FAT1: variants seen among roughly 807,000 people sequenced by gnomAD.
FAT1 encodes the protein FAT atypical cadherin 1.
A neutral mutation model predicts 329.8 loss-of-function variants in FAT1; 171 were observed. That is an observed-to-expected ratio of 0.52 (90% CI 0.46 to 0.59). The LOEUF is 0.59. FAT1 is among the 20% of genes least tolerant of loss of function. The pLI, the probability that FAT1 is intolerant of heterozygous loss-of-function variation, is 0.00. For missense variants in FAT1, 5,672 were observed against 5,774.4 expected (o/e 0.98, Z 0.57); for synonymous variants, 2,233 against 2,228.6 (o/e 1.00, Z -0.06).
chr4:186,661,388 G>C (rs1179721819), intron 3 of FAT1, among the ~76,000 whole-genome samples: 1 of 152,224 alleles, frequency 6.6e-6, no homozygotes, highest in Non-Finnish European at 1.5e-5. Context: ...AATCTCAAGA[G>C]ACAGGCCTTT....
chr4:186,724,124 G>A (rs1745618921), upstream of FAT1, among the ~76,000 whole-genome samples: 1 of 147,978 alleles, frequency 6.8e-6, no homozygotes, highest in South Asian at 2.1e-4. This position sits in a 1 kb window ranked among gnomAD's most constrained non-coding sequence, Gnocchi z 5.3. Flanking sequence ...GCCAGCCACA[G>A]GCGCTGTGCA....
rs117951558 is a variant in FAT1, at chr4:186,696,712, T to C, written c.3265+9851A>G. Among the ~76,000 whole-genome samples the C allele has an allele frequency of 0.014, 2,112 of 152,264 alleles. 140 individuals are homozygous for C. The East Asian group carries it at 0.2, about 14-fold the overall frequency. ...TATTTTCCATAGAGGTCAAAGAACA[T>C]ACGGCAAGTCCATTTAAATAAAAAT... On this transcript the variant is annotated intron_variant, in intron 2 of 26. Transcript: ENST00000441802.
intron 13 of FAT1, among the ~76,000 whole-genome samples, chr4:186,612,453 A>G (rs893754054): frequency 1.3e-5 from 2 of 152,164 alleles, no homozygotes; most frequent in African/African-American, 4.8e-5. Flanking sequence ...AAATGCTCCA[A>G]AATCTATTAA....
intron 3 of FAT1, among the ~76,000 whole-genome samples, chr4:186,652,598 A>C (rs565783678): frequency 6.6e-6 from 1 of 152,344 alleles, no homozygotes; most frequent in Admixed American, 6.5e-5. Flanking sequence ...TCCTTAAAAT[A>C]TCTGCGTATC....
chr4:186,600,756 G>A (rs1265651325), intron 21 of FAT1, among the ~76,000 whole-genome samples: 1 of 152,196 alleles, frequency 6.6e-6, no homozygotes, highest in African/African-American at 2.4e-5. Context: ...TGTCGCCCAG[G>A]CTGGAGTGCA....
chr4:186,615,759 GCTCT>G (rs143394766), intron 11 of FAT1, among the ~76,000 whole-genome samples: 3,696 of 152,142 alleles, frequency 0.024, 137 homozygotes, highest in African/African-American at 0.079. Context: ...TTTGGAAATA[GCTCT>G]CTCTTCTTTT....
rs1312272698 is a variant in FAT1 at position 186,603,287 on chromosome 4, A to G, written c.11239T>C (p.Phe3747Leu). 4 of 1,613,964 alleles carry G rather than the reference A, an allele frequency of 2.5e-6. No individual in the cohort carries two copies. In the Admixed American group the frequency reaches 5.0e-5, roughly 20 times the overall value. Residue 3747 changes from phenylalanine to leucine, a missense_variant, in exon 19 of 27, where the codon TTC becomes CTC. By Grantham distance (22) the Phe-to-Leu change is conservative. Coordinates refer to ENST00000441802, the MANE Select transcript of FAT1 (RefSeq NM_005245.4). Reference protein sequence around the residue: ...LCAGLDCPWKFCDEKVSVDES... With the variant: ...LCAGLDCPWKLCDEKVSVDES... The stretch of plus-strand genomic sequence containing the variant: ...TCCACAGACACCTTTTCATCGCAGA[A>G]CTTCCAGGGGCAGTCCAGTCCCGCG...
At chr4:186,663,935 T>C (rs891402027) in intron 2 of FAT1, among the ~76,000 whole-genome samples, 3 of 152,190 alleles carry the variant, frequency 2.0e-5, no homozygotes, top group South Asian at 2.1e-4. Flanking sequence ...AGTCTCAAAA[T>C]AGGTGAGCAC....
In FAT1 at chr4:186,619,073, C is replaced by A. The variant is rs770932444; in HGVS notation, c.7513G>T (p.Ala2505Ser). Reference protein sequence around the residue: ...NEYEVELAENAPLHTLVMEVK... With the variant: ...NEYEVELAENSPLHTLVMEVK... ...TCCATCACCAGGGTATGTAGGGGAG[C>A]GTTTTCAGCTAGTTCCACTTCATAT... The change falls in exon 10 of 27, where the codon GCT becomes TCT. Residue 2505 changes from alanine to serine, a missense_variant. By Grantham distance (99) the Ala-to-Ser change is moderately conservative (BLOSUM62 1). Transcript: ENST00000441802. 4 of 1,613,966 alleles carry A rather than the reference C, an allele frequency of 2.5e-6. No homozygotes were observed. The highest frequency in any genetic ancestry group is 1.7e-5 in the Admixed American group (1 of 60,010).
rs543924207 is a variant in FAT1 at position 186,712,930 on chromosome 4, G to A, written c.-18-3085C>T. Among the ~76,000 whole-genome samples, 19 of 102,476 alleles carry A rather than the reference G, an allele frequency of 1.9e-4. No homozygotes were observed. The South Asian group carries it at 7.3e-3, about 40-fold the overall frequency. 67.2% of individuals were successfully genotyped at this position (102,476 alleles called of 152,430 possible). On this transcript the variant is annotated intron_variant, in intron 1 of 26. Transcript: ENST00000441802. ...CACGTGGCTGGAGCACAGCGGTTGA[G>A]GGACAGCGGTAAGGCCGGGGCACAT... is the stretch of plus-strand genomic sequence containing the variant.
intron 2 of FAT1, among the ~76,000 whole-genome samples, chr4:186,667,207 G>A (rs554376209): frequency 5.3e-5 from 8 of 152,292 alleles, no homozygotes; most frequent in South Asian, 2.1e-4. Context: ...AGTTCGGGCC[G>A]TAAGCGTCCA....
Position 186,723,046 on chromosome 4 carries a change from A to AT in FAT1, c.-19+617dup, listed in dbSNP as rs138367843. On this transcript the variant is annotated intron_variant, in intron 1 of 26. Coordinates refer to ENST00000441802, the MANE Select transcript of FAT1 (RefSeq NM_005245.4). ...GAAAGCTGGCTCTCTAAAAGAAAGCATTTTTTTTTAAAGGCAATGAAGGAC... is the reference window on the plus strand; with the variant it reads ...GAAAGCTGGCTCTCTAAAAGAAAGCATTTTTTTTTTAAAGGCAATGAAGGAC... Among the ~76,000 whole-genome samples, 363 of 151,768 alleles carry AT rather than the reference A, an allele frequency of 2.4e-3. 2 individuals carry two copies. Among genetic ancestry groups the AT allele is most frequent in the Middle Eastern group, 6.8e-3 (2 of 294 alleles).
chr4:186,661,206 T>C (rs901917322), intron 3 of FAT1, among the ~76,000 whole-genome samples: 1 of 152,190 alleles, frequency 6.6e-6, no homozygotes, highest in Non-Finnish European at 1.5e-5. Flanking sequence ...GGTTATAATG[T>C]TGTGGCACTT....
At chr4:186,638,354 A>C (rs980996499) in intron 4 of FAT1, among the ~76,000 whole-genome samples, 6 of 152,188 alleles carry the variant, frequency 3.9e-5, no homozygotes, top group Non-Finnish European at 7.3e-5. Flanking sequence ...AAAGGACTGG[A>C]GCAAAATGTC....
chr4:186,646,582 C>CATCTCCAATT (rs1741395622), intron 3 of FAT1, among the ~76,000 whole-genome samples: 1 of 152,166 alleles, frequency 6.6e-6, no homozygotes, highest in Non-Finnish European at 1.5e-5. Flanking sequence ...TCCTTTATAG[C>CATCTCCAATT]ATCTCCAATT....
In FAT1 at chr4:186,617,613, T is replaced by A. The variant is rs1040969019; in HGVS notation, c.8878+95A>T. On this transcript the variant is annotated intron_variant, in intron 10 of 26. Transcript: ENST00000441802. ...GATATTTTTAACTAAAATCATCCCT[T>A]AAATCCCCAATTTCCATACAATACA... is the stretch of plus-strand genomic sequence containing the variant. 10 of 1,044,842 alleles carry A rather than the reference T, an allele frequency of 9.6e-6. No homozygotes were observed. The African/African-American group carries it at 1.6e-4, about 17-fold the overall frequency. The allele number at this position is 1,044,842 out of a possible 1,614,324, so 64.7% of individuals were successfully genotyped here. A position where few individuals can be genotyped will look rare whatever the true frequency, so the allele number is the denominator to read the frequency against.
At position 186,619,131 on chromosome 4, in the gene FAT1, G is replaced by T. The variant is rs2126502507; in HGVS notation, c.7455C>A (p.Gly2485=). Reference sequence around the variant, plus strand: ...GAAGGAAAGCAGGACTGTGCAAATTGCCTCCAATTACAGTTACATGAACCT... The same window carrying T: ...GAAGGAAAGCAGGACTGTGCAAATTTCCTCCAATTACAGTTACATGAACCT... ...STQVHVTVIG[G]NLHSPAFLQN... Residue 2485 remains glycine (G), a synonymous_variant, in exon 10 of 27, where the codon GGC becomes GGA. Coordinates refer to ENST00000441802, the MANE Select transcript of FAT1 (RefSeq NM_005245.4). The T allele has an allele frequency of 6.2e-7, 1 of 1,613,916 alleles. No homozygotes were observed. The highest frequency in any genetic ancestry group is 8.5e-7 in the Non-Finnish European group (1 of 1,179,894).
rs2126684348 is a variant in FAT1, at chr4:186,706,956, G to A, written c.2872C>T (p.Gln958Ter). The change falls in exon 2 of 27, where the codon CAG becomes TAG. Residue 958 changes from glutamine (Q) to a stop codon, truncating the protein, a stop_gained. Transcript: ENST00000441802. LOFTEE classifies it high-confidence loss of function. ...AGGCTGTATCTCACCTGACCAGACT[G>A]ACCTAAATCAGGATCGTGGGCTTCT... ...WLEAHDPDLG[Q>*]SGQVRYSLLD... is the part of the protein sequence containing the mutation. 6.2e-7 allele frequency: 1 copy of A among 1,613,992 alleles called. No individual in the cohort carries two copies. The highest frequency in any genetic ancestry group is 8.5e-7 in the Non-Finnish European group (1 of 1,179,888).
intron 16 of FAT1, among the ~76,000 whole-genome samples, chr4:186,607,656 T>A (rs1251784654): frequency 6.6e-6 from 1 of 151,482 alleles, no homozygotes; most frequent in East Asian, 2.0e-4. Flanking sequence ...AGTGAATAGA[T>A]AACTAGATAG....
Sources: allele counts gnomAD v4.1 joint callset (sites outside exome capture counted in the v4.1 genomes callset), GRCh38; gene constraint gnomAD v4.1.1; non-coding constraint Gnocchi (gnomAD v3.1); transcripts MANE v1.5; gene names NCBI Gene and HGNC (gene_info 2026-07-23, HGNC 2026-07-21).